Variants in DCDC1 observed in about 807,000 individuals in gnomAD.
DCDC1 encodes the protein doublecortin domain-containing protein 1.
In DCDC1, 200 loss-of-function variants were observed where a neutral mutation model predicts 178.3. That is an observed-to-expected ratio of 1.12 (90% CI 1.00 to 1.26). DCDC1 has a LOEUF of 1.26. Among genes scored for constraint, DCDC1 ranks in the 50% most tolerant of loss-of-function variants. DCDC1 has a pLI of 0.00. For missense variants in DCDC1, 1,983 were observed against 1,749.2 expected (o/e 1.13, Z -2.38); for synonymous variants, 690 against 604.8 (o/e 1.14, Z -2.07).
At chr11:30,946,034 C>T (rs1001100107) in intron 21 of DCDC1, among the ~76,000 whole-genome samples, 4 of 152,040 alleles carry the variant, frequency 2.6e-5, no homozygotes, top group African/African-American at 9.7e-5. Context: ...CTGTTGTTTC[C>T]TTTCAGAGAT....
At chr11:31,195,714 T>C (rs1970615396) in intron 9 of DCDC1, among the ~76,000 whole-genome samples, 1 of 152,054 alleles carries the variant, frequency 6.6e-6, no homozygotes, top group African/African-American at 2.4e-5. Flanking sequence ...TTTATTTGTA[T>C]AGTGACTTCC....
At chr11:31,141,471 ATG>A (rs1963824330) in intron 9 of DCDC1, among the ~76,000 whole-genome samples, 2 of 152,294 alleles carry the variant, frequency 1.3e-5, no homozygotes, top group Non-Finnish European at 2.9e-5. Context: ...AGTATATGAT[ATG>A]TGTTATATAA....
chr11:31,160,711 T>A (rs1364798678), intron 9 of DCDC1, among the ~76,000 whole-genome samples: 1 of 152,122 alleles, frequency 6.6e-6, no homozygotes, highest in African/African-American at 2.4e-5. Context: ...TGTCTCAGAA[T>A]GACAAAATAA....
intron 11 of DCDC1, among the ~76,000 whole-genome samples, chr11:31,126,593 C>A (rs1274869607): frequency 6.6e-6 from 1 of 152,034 alleles, no homozygotes; most frequent in Non-Finnish European, 1.5e-5. Flanking sequence ...GAAGGTTGAT[C>A]AAAATATAAT....
chr11:31,092,771 G>T (rs1957896371), intron 16 of DCDC1, among the ~76,000 whole-genome samples: 1 of 152,128 alleles, frequency 6.6e-6, no homozygotes, highest in South Asian at 2.1e-4. Context: ...CTTTTTGATA[G>T]AACACCAAGG....
chr11:30,999,466 T>G (rs1951452165), intron 20 of DCDC1, among the ~76,000 whole-genome samples: 1 of 152,216 alleles, frequency 6.6e-6, no homozygotes, highest in African/African-American at 2.4e-5. Context: ...CTAATTTCCT[T>G]ATGTATTCTA....
intron 20 of DCDC1, among the ~76,000 whole-genome samples, chr11:30,963,937 T>G (rs1335725080): frequency 6.6e-6 from 1 of 152,158 alleles, no homozygotes; most frequent in Non-Finnish European, 1.5e-5. Context: ...TTAAGTCATA[T>G]CCTTCCTAAT....
chr11:31,126,117 G>C (rs1449204957), intron 11 of DCDC1, among the ~76,000 whole-genome samples: 1 of 152,036 alleles, frequency 6.6e-6, no homozygotes, highest in Non-Finnish European at 1.5e-5. Flanking sequence ...TAGTTCATAC[G>C]AATAGCTGCT....
At chr11:30,897,310 C>T (rs183594253) in intron 34 of DCDC1, among the ~76,000 whole-genome samples, 80 of 152,090 alleles carry the variant, frequency 5.3e-4, no homozygotes, top group Admixed American at 4.5e-3. Context: ...AATACTTGGC[C>T]GGACGCAGTG....
chr11:31,345,437 A>G (rs1950764801), intron 1 of DCDC1, among the ~76,000 whole-genome samples: 1 of 152,142 alleles, frequency 6.6e-6, no homozygotes, highest in Admixed American at 6.5e-5. Flanking sequence ...TAGAAACTCT[A>G]TCTCCATCAC....
intron 9 of DCDC1, among the ~76,000 whole-genome samples, chr11:31,205,855 G>A (rs138814828): frequency 6.6e-6 from 1 of 152,152 alleles, no homozygotes; most frequent in East Asian, 1.9e-4. Context: ...AAAATTATTT[G>A]CTGTTTATCT....
chr11:31,178,495 C>T (rs140234639), intron 9 of DCDC1, among the ~76,000 whole-genome samples: 1 of 152,066 alleles, frequency 6.6e-6, no homozygotes, highest in South Asian at 2.1e-4. Context: ...AACTCAAAAG[C>T]GCAGACAAGT....
At chr11:31,348,056 C>T (rs1005695320) in intron 1 of DCDC1, among the ~76,000 whole-genome samples, 1 of 152,128 alleles carries the variant, frequency 6.6e-6, no homozygotes, top group African/African-American at 2.4e-5. Flanking sequence ...AACTTGCTTA[C>T]TATGTATATT....
chr11:31,307,560 A>C, intron 4 of DCDC1, 79 bp downstream of exon 4: 1 of 1,531,870 alleles, frequency 6.5e-7, no homozygotes, highest in Non-Finnish European at 8.8e-7. Context: ...TGAGATAGTC[A>C]ATTGAAACAT....
chr11:31,324,839 T>C (rs972228735), intron 3 of DCDC1, among the ~76,000 whole-genome samples: 2 of 152,258 alleles, frequency 1.3e-5, no homozygotes, highest in Admixed American at 1.3e-4. Context: ...ATAGATTAGG[T>C]GTCTGTTAGT....
chr11:31,159,002 A>AT (rs1164059292), intron 9 of DCDC1, among the ~76,000 whole-genome samples: 1 of 152,126 alleles, frequency 6.6e-6, no homozygotes, highest in Non-Finnish European at 1.5e-5. Context: ...AATTGGATGT[A>AT]TACCAAAAAA....
intron 9 of DCDC1, among the ~76,000 whole-genome samples, chr11:31,205,732 T>C (rs1252345708): frequency 3.3e-5 from 5 of 152,170 alleles, no homozygotes; most frequent in African/African-American, 1.2e-4. Context: ...CCTAGAGTTG[T>C]CAGATTTGCA....
intron 20 of DCDC1, among the ~76,000 whole-genome samples, chr11:31,037,088 A>G (rs892425274): frequency 1.3e-5 from 2 of 152,210 alleles, no homozygotes; most frequent in Non-Finnish European, 2.9e-5. Context: ...CTGCCTTTGC[A>G]GGAGCTCATC....
rs1950690132 is a variant in DCDC1 at position 31,344,088 on chromosome 11, G to A, written c.-124-8524C>T. On this transcript the variant is annotated intron_variant, in intron 1 of 38. Transcript: ENST00000684477. ...TCACTAGAAGTAGAACATATTCACA[G>A]GCTAAGTAGAATATGCAAAATACAA... Among the ~76,000 whole-genome samples the A allele has an allele frequency of 2.6e-5, 4 of 152,100 alleles. No individual in the cohort carries two copies. In the South Asian group the frequency reaches 8.3e-4, roughly 32 times the overall value.
Sources: allele counts gnomAD v4.1 joint callset (sites outside exome capture counted in the v4.1 genomes callset), GRCh38; gene constraint gnomAD v4.1.1; transcripts MANE v1.5; gene names NCBI Gene and HGNC (gene_info 2026-07-23, HGNC 2026-07-21).